AUTS2: variants seen among roughly 807,000 people sequenced by gnomAD.
AUTS2 encodes autism susceptibility gene 2 protein.
In AUTS2, 17 loss-of-function variants were observed where a neutral mutation model predicts 112.4. The observed-to-expected ratio is 0.15, with a 90% confidence interval of 0.10 to 0.23. The LOEUF is 0.23. Among genes scored for constraint, AUTS2 ranks in the 10% least tolerant of loss-of-function variants. AUTS2 has a pLI of 1.00. For synonymous variants in AUTS2, 751 were observed against 702.7 expected (o/e 1.07, Z -1.09); for missense variants, 1,510 against 1,701.6 (o/e 0.89, Z 1.98).
At chr7:70,578,460 G>A (rs1802275468) in intron 5 of AUTS2, among the ~76,000 whole-genome samples, 1 of 152,240 alleles carries the variant, frequency 6.6e-6, no homozygotes. Context: ...CTGAGACAGA[G>A]GTGGCACTAG....
In AUTS2 at chr7:69,609,141, T is replaced by G. The variant is rs552647886; in HGVS notation, c.309+9179T>G. Among the ~76,000 whole-genome samples the G allele has an allele frequency of 5.3e-5, 8 of 152,356 alleles. No individual in the cohort carries two copies. The East Asian group carries it at 1.5e-3, about 29-fold the overall frequency. On this transcript the variant is annotated intron_variant, in intron 1 of 18. Coordinates refer to ENST00000342771, the MANE Select transcript of AUTS2 (RefSeq NM_015570.4). The stretch of plus-strand genomic sequence containing the variant: ...TTAATTGACCTGTTCAAGATCACAC[T>G]GGGAGTTAGAGGCTCTCACTGTTAC...
intron 1 of AUTS2, among the ~76,000 whole-genome samples, chr7:69,685,385 G>T (rs1054967000): frequency 2.0e-5 from 3 of 152,196 alleles, no homozygotes; most frequent in South Asian, 2.1e-4. Context: ...AAAATTGAAA[G>T]TAGGTCACAG....
At chr7:70,723,873 A>G (rs1367806099) in intron 6 of AUTS2, among the ~76,000 whole-genome samples, 1 of 151,952 alleles carries the variant, frequency 6.6e-6, no homozygotes, top group East Asian at 1.9e-4. Context: ...CTTTGCAAGT[A>G]TACATGTAGA....
intron 1 of AUTS2, among the ~76,000 whole-genome samples, chr7:69,745,018 C>T (rs1281425776): frequency 1.3e-5 from 2 of 152,084 alleles, no homozygotes; most frequent in African/African-American, 2.4e-5. Context: ...AGAGGAGAGT[C>T]GTGGACCCCC....
intron 2 of AUTS2, among the ~76,000 whole-genome samples, chr7:70,087,917 A>G (rs946205919): frequency 5.3e-5 from 8 of 151,296 alleles, no homozygotes; most frequent in Admixed American, 2.0e-4. Flanking sequence ...CAGGTTTTCT[A>G]TTTTTTCTTA....
intron 4 of AUTS2, among the ~76,000 whole-genome samples, chr7:70,156,567 G>A (rs891481586): frequency 6.6e-6 from 1 of 152,034 alleles, no homozygotes; most frequent in Admixed American, 6.6e-5. Context: ...ATCTCCTGTG[G>A]AGGTGACAGT....
intron 1 of AUTS2, among the ~76,000 whole-genome samples, chr7:69,742,275 G>A (rs1367614859): frequency 6.6e-6 from 1 of 152,046 alleles, no homozygotes; most frequent in Non-Finnish European, 1.5e-5. Context: ...GGTAGTAAAT[G>A]CTCTTTTTTG....
intron 2 of AUTS2, among the ~76,000 whole-genome samples, chr7:69,954,578 G>A (rs904253609): frequency 1.3e-5 from 2 of 152,228 alleles, no homozygotes; most frequent in South Asian, 2.1e-4. Flanking sequence ...CAGTTGCTGC[G>A]AGAATGGTGC....
chr7:70,246,010 A>G (rs1342143144), intron 4 of AUTS2, among the ~76,000 whole-genome samples: 4 of 151,952 alleles, frequency 2.6e-5, no homozygotes, highest in African/African-American at 9.7e-5. Context: ...TCTTCTGAGC[A>G]TGTTCTTTTG....
chr7:70,217,683 TATG>T (rs1158999125), intron 4 of AUTS2, among the ~76,000 whole-genome samples: 1 of 152,142 alleles, frequency 6.6e-6, no homozygotes, highest in African/African-American at 2.4e-5. Flanking sequence ...GCAGGAGAAG[TATG>T]ATTTTTCTGT....
chr7:70,646,112 T>A (rs756717212), intron 5 of AUTS2, among the ~76,000 whole-genome samples: 24 of 152,202 alleles, frequency 1.6e-4, no homozygotes, highest in African/African-American at 5.6e-4. Flanking sequence ...ATTTTGAAAC[T>A]GTAAAATGCA....
At chr7:70,031,000 C>A (rs980119547) in intron 2 of AUTS2, among the ~76,000 whole-genome samples, 1 of 152,002 alleles carries the variant, frequency 6.6e-6, no homozygotes, top group Non-Finnish European at 1.5e-5. Flanking sequence ...TTAGGAGCCA[C>A]AAAATGCTAT....
At chr7:70,096,380 T>C (rs1431262923) in intron 2 of AUTS2, among the ~76,000 whole-genome samples, 3 of 151,758 alleles carry the variant, frequency 2.0e-5, no homozygotes, top group African/African-American at 7.3e-5. Flanking sequence ...GTGGAGCGCC[T>C]AAGGTCAGGA....
At chr7:69,817,551 C>T (rs1210943281) in intron 1 of AUTS2, among the ~76,000 whole-genome samples, 1 of 152,158 alleles carries the variant, frequency 6.6e-6, no homozygotes, top group African/African-American at 2.4e-5. Flanking sequence ...GTGCAGTGTT[C>T]TGTCTGAGCA....
intron 5 of AUTS2, among the ~76,000 whole-genome samples, chr7:70,667,316 A>T (rs1017756675): frequency 2.0e-5 from 3 of 152,244 alleles, no homozygotes; most frequent in African/African-American, 7.2e-5. Flanking sequence ...TTCTCCCATC[A>T]TCAGCAGATG....
intron 1 of AUTS2, among the ~76,000 whole-genome samples, chr7:69,756,316 G>A (rs1787943837): frequency 6.6e-6 from 1 of 152,222 alleles, no homozygotes; most frequent in Non-Finnish European, 1.5e-5. Flanking sequence ...GCCTAAGAAG[G>A]AGGAAACTAG....
chr7:70,639,889 A>G lies in AUTS2; in HGVS notation c.691-58680A>G, dbSNP rs1030838898. On this transcript the variant is annotated intron_variant, in intron 5 of 18. Coordinates refer to ENST00000342771, the MANE Select transcript of AUTS2 (RefSeq NM_015570.4). ...CCATTCCCTCTCTGAGAGGACTACA[A>G]GGCTGAGTTCAGCACTGCTTGTGCA... Among the ~76,000 whole-genome samples, 7 of 152,280 alleles carry G rather than the reference A, an allele frequency of 4.6e-5. No individual in the cohort carries two copies. The South Asian group carries it at 8.3e-4, about 18-fold the overall frequency.
At chr7:70,386,300 T>C (rs1014781063) in intron 4 of AUTS2, among the ~76,000 whole-genome samples, 2 of 152,228 alleles carry the variant, frequency 1.3e-5, no homozygotes, top group African/African-American at 4.8e-5. Context: ...AAGGGAAATA[T>C]CATTTAGCAC....
chr7:70,285,753 C>T (rs569067364), intron 4 of AUTS2, among the ~76,000 whole-genome samples: 2 of 152,268 alleles, frequency 1.3e-5, no homozygotes, highest in African/African-American at 4.8e-5. Flanking sequence ...TAGGATCCTC[C>T]ATTAGCACAT....
Sources: allele counts gnomAD v4.1 joint callset (sites outside exome capture counted in the v4.1 genomes callset), GRCh38; gene constraint gnomAD v4.1.1; transcripts MANE v1.5; gene names NCBI Gene and HGNC (gene_info 2026-07-23, HGNC 2026-07-21).